Variants in AHNAK observed in about 807,000 individuals in gnomAD.
The protein encoded by AHNAK is AHNAK nucleoprotein, also known as neuroblast differentiation-associated protein AHNAK.
AHNAK carries 23 observed loss-of-function variants against 37.8 expected under a neutral mutation model. The observed-to-expected ratio is 0.61, with a 90% confidence interval of 0.44 to 0.86. The LOEUF is 0.86. Among genes scored for constraint, AHNAK ranks in the 40% least tolerant of loss-of-function variants. AHNAK has a pLI of 0.00. For synonymous variants in AHNAK, 2,481 were observed against 2,636.3 expected (o/e 0.94, Z 1.80); for missense variants, 7,411 against 7,319.4 (o/e 1.01, Z -0.46).
Position 62,527,140 on chromosome 11 carries a change from T to C in AHNAK, c.7277A>G (p.Asp2426Gly), listed in dbSNP as rs765427815. 5.6e-6 allele frequency: 9 copies of C among 1,613,756 alleles called. No individual in the cohort carries two copies. The South Asian group carries it at 7.7e-5, about 14-fold the overall frequency. Residue 2426 changes from aspartate (D) to glycine (G), a missense_variant, in exon 5 of 5, where the codon GAC becomes GGC. Asp to Gly is a moderately conservative substitution (Grantham distance 94, BLOSUM62 -1). Coordinates refer to ENST00000378024, the MANE Select transcript of AHNAK (RefSeq NM_001620.3). Reference sequence around the variant, plus strand: ...GCCCTCTGGTCCCTCAATGTCAATGTCTGGCCCACTGACATCCACATGTGG... The same window carrying C: ...GCCCTCTGGTCCCTCAATGTCAATGCCTGGCCCACTGACATCCACATGTGG... ...KGPHVDVSGP[D>G]IDIEGPEGKL...
At position 62,519,480 on chromosome 11, in the gene AHNAK, C is replaced by T; in HGVS notation, c.14937G>A (p.Lys4979=). Residue 4979 remains lysine (K), a synonymous_variant, in exon 5 of 5, where the codon AAG becomes AAA. Transcript: ENST00000378024. ...DVKIPKFKKP[K]FGFGAKSPKA... Reference sequence around the variant, plus strand: ...TGGGGCTTTTTGCCCCAAATCCAAACTTGGGTTTCTTAAATTTGGGGATTT... The same window carrying T: ...TGGGGCTTTTTGCCCCAAATCCAAATTTGGGTTTCTTAAATTTGGGGATTT... 6.2e-7 allele frequency: 1 copy of T among 1,613,214 alleles called. No individual in the cohort carries two copies. Among genetic ancestry groups the T allele is most frequent in the Non-Finnish European group, 8.5e-7 (1 of 1,179,766 alleles).
At chr11:62,454,424 A>AAAG (rs1555019744) in intron 5 of AHNAK, among the ~76,000 whole-genome samples, 12 of 132,968 alleles carry the variant, frequency 9.0e-5, no homozygotes, top group African/African-American at 2.3e-4. Context: ...AAAAAAAAAA[A>AAAG]AAAAGAAAAG....
In AHNAK at chr11:62,519,394, T is replaced by G. The variant is rs942496212; in HGVS notation, c.15023A>C (p.Glu5008Ala). The G allele has an allele frequency of 1.6e-5, 26 of 1,613,708 alleles. No homozygotes were observed. Among genetic ancestry groups the G allele is most frequent in the Non-Finnish European group, 2.2e-5 (26 of 1,179,886 alleles). Residue 5008 changes from glutamate to alanine, a missense_variant, in exon 5 of 5, where the codon GAG (glutamate) becomes GCG (alanine). By Grantham distance (107) the Glu-to-Ala change is moderately radical. Transcript: ENST00000378024. Reference sequence around the variant, plus strand: ...GCCACCAACACTAATTTCAGGAGTCTCAAGGTTCAGCTCTGCCTCAGGAAC... The same window carrying G: ...GCCACCAACACTAATTTCAGGAGTCGCAAGGTTCAGCTCTGCCTCAGGAAC... ...VTVPEAELNL[E>A]TPEISVGGKG...
rs1186033426 is a variant in AHNAK, at chr11:62,517,001, C to T, written c.17416G>A (p.Val5806Met). 1.9e-6 allele frequency: 3 copies of T among 1,614,242 alleles called. No homozygotes were observed. Among genetic ancestry groups the T allele is most frequent in the Non-Finnish European group, 1.7e-6 (2 of 1,180,046 alleles). ...TGTLEFEGGE[V>M]SLEGGKVKGK... ...TTAACTTTCCCACCTTCCAGAGACA[C>T]TTCCCCACCTTCAAACTCCAGCGTC... Residue 5806 changes from valine to methionine, a missense_variant, in exon 5 of 5, where the codon GTG becomes ATG. Physicochemically the swap from Val to Met is conservative, Grantham distance 21. Transcript: ENST00000378024.
chr11:62,535,209 G>A lies in AHNAK; in HGVS notation c.155-19C>T. The A allele has an allele frequency of 1.3e-6, 2 of 1,599,122 alleles. No homozygotes were observed. The highest frequency in any genetic ancestry group is 1.7e-6 in the Non-Finnish European group (2 of 1,167,742). On this transcript the variant is annotated intron_variant, in intron 3 of 4. Transcript: ENST00000378024. ...TGGTCCCCTGAGCAGGGAAGAGCAG[G>A]AAGCAGGTAAGGCCCAAAGAGCCTC...
Position 62,521,127 on chromosome 11 carries a change from T to C in AHNAK, c.13290A>G (p.Thr4430=), listed in dbSNP as rs762301806. Residue 4430 remains threonine, a synonymous_variant, in exon 5 of 5, where the codon ACA becomes ACG. Transcript: ENST00000378024. The stretch of plus-strand genomic sequence containing the variant: ...CCGGACCTTCAATATTGACATCAGG[T>C]GTGTCAATGTCCAAACTGGGGCCTT... ...DIKGPSLDID[T]PDVNIEGPEG... 2.5e-6 allele frequency: 4 copies of C among 1,613,712 alleles called. No homozygotes were observed. The African/African-American group carries it at 5.3e-5, about 22-fold the overall frequency.
chr11:62,452,726 TA>T (rs1940086563), intron 5 of AHNAK, among the ~76,000 whole-genome samples: 1 of 152,068 alleles, frequency 6.6e-6, no homozygotes, highest in African/African-American at 2.4e-5. Flanking sequence ...GGTGAGATGG[TA>T]AAAGGTGTTT....
Position 62,501,174 on chromosome 11 carries a change from C to A in AHNAK, c.343-9343G>T, listed in dbSNP as rs559434963. ...GGCAGATGGCACCACTGCTTTCCAG[C>A]CTGGGGGTCAGAGTGAGACCCCATC... On this transcript the variant is annotated intron_variant, in intron 4 of 5. Coordinates refer to the AHNAK transcript ENST00000257247. Among the ~76,000 whole-genome samples the A allele has an allele frequency of 3.3e-5, 5 of 152,118 alleles. No homozygotes were observed. The East Asian group carries it at 9.7e-4, about 29-fold the overall frequency.
chr11:62,513,526 ACT>A (rs902819412), downstream of AHNAK, among the ~76,000 whole-genome samples: 1 of 150,454 alleles, frequency 6.6e-6, no homozygotes, highest in Non-Finnish European at 1.5e-5. Context: ...CAAGAGCGAG[ACT>A]CTGTCTCAAA....
At position 62,528,044 on chromosome 11, in the gene AHNAK, G is replaced by A. The variant is rs754692608; in HGVS notation, c.6373C>T (p.His2125Tyr). The A allele has an allele frequency of 5.0e-6, 8 of 1,601,448 alleles. No individual in the cohort carries two copies. Among genetic ancestry groups the A allele is most frequent in the Non-Finnish European group, 6.0e-6 (7 of 1,175,392 alleles). ...PKISMPDVDL[H>Y]LKGPKVKGDV... is the part of the protein sequence containing the mutation. ...CCTTTGACTTTGGGGCCTTTCAAGT[G>A]TAAGTCCACATCAGGCATGGAGATC... Residue 2125 changes from histidine to tyrosine, a missense_variant, in exon 5 of 5, where the codon CAC becomes TAC. Transcript: ENST00000378024.
intron 1 of AHNAK, among the ~76,000 whole-genome samples, chr11:62,546,318 A>T (rs985805775): frequency 6.6e-6 from 1 of 152,190 alleles, no homozygotes. Flanking sequence ...CGCCCCATGC[A>T]GGGAGAGGAG....
At chr11:62,454,313 C>G (rs1264415021) in intron 5 of AHNAK, among the ~76,000 whole-genome samples, 2 of 135,326 alleles carry the variant, frequency 1.5e-5, no homozygotes, top group East Asian at 2.3e-4. Flanking sequence ...CCCGGGAGGC[C>G]GAGGCAGGAG....
rs1248357433 is a variant in AHNAK at position 62,526,774 on chromosome 11, A to G, written c.7643T>C (p.Ile2548Thr). Reference sequence around the variant, plus strand: ...TTCAATATTAACATCAGGGCCTTCAATGTCCACCTTGGGTCCTGAGATGTC... The same window carrying G: ...TTCAATATTAACATCAGGGCCTTCAGTGTCCACCTTGGGTCCTGAGATGTC... ...DVDISGPKVD[I>T]EGPDVNIEGP... The change falls in exon 5 of 5, where the codon ATT becomes ACT. Residue 2548 changes from isoleucine (I) to threonine (T), a missense_variant. Transcript: ENST00000378024. 1 of 1,613,856 alleles carries G rather than the reference A, an allele frequency of 6.2e-7. No individual in the cohort carries two copies. The highest frequency in any genetic ancestry group is 8.5e-7 in the Non-Finnish European group (1 of 1,179,994).
Position 62,520,316 on chromosome 11 carries a change from C to A in AHNAK, c.14101G>T (p.Asp4701Tyr). 1 of 1,613,604 alleles carries A rather than the reference C, an allele frequency of 6.2e-7. No homozygotes were observed. The highest frequency in any genetic ancestry group is 8.5e-7 in the Non-Finnish European group (1 of 1,179,944). ...DVPDVNIEGP[D>Y]AKLKGPKFKM... ...AACTTGGGGCCCTTTAGTTTCGCAT[C>A]TGGACCTTCGATATTCACATCAGGA... Residue 4701 changes from aspartate (D) to tyrosine (Y), a missense_variant, in exon 5 of 5, where the codon GAT becomes TAT. Physicochemically the swap from Asp to Tyr is radical, Grantham distance 160. Transcript: ENST00000378024.
chr11:62,493,734 G>C (rs558889867), intron 4 of AHNAK, among the ~76,000 whole-genome samples: 1 of 151,974 alleles, frequency 6.6e-6, no homozygotes, highest in Non-Finnish European at 1.5e-5. Flanking sequence ...ACCTCCCAAA[G>C]TGTTAGGATT....
intron 5 of AHNAK, among the ~76,000 whole-genome samples, chr11:62,466,404 C>T (rs1208909772): frequency 2.0e-5 from 3 of 152,022 alleles, no homozygotes; most frequent in Non-Finnish European, 4.4e-5. Context: ...AGCTACACAC[C>T]TGGCCTCTCT....
chr11:62,503,317 G>C (rs185103449), intron 4 of AHNAK, among the ~76,000 whole-genome samples: 1 of 152,230 alleles, frequency 6.6e-6, no homozygotes, highest in African/African-American at 2.4e-5. Context: ...GGCTGGGCAC[G>C]GTGGCTCACG....
At chr11:62,545,017 G>A (rs1941261588) in intron 1 of AHNAK, among the ~76,000 whole-genome samples, 1 of 152,168 alleles carries the variant, frequency 6.6e-6, no homozygotes, top group South Asian at 2.1e-4. Context: ...TATTTACTGA[G>A]CGCCCAGCGC....
Position 62,532,201 on chromosome 11 carries a change from T to A in AHNAK, c.2216A>T (p.Asp739Val). 3 of 1,614,132 alleles carry A rather than the reference T, an allele frequency of 1.9e-6. No homozygotes were observed. Among genetic ancestry groups the A allele is most frequent in the Non-Finnish European group, 1.7e-6 (2 of 1,180,016 alleles). ...PKVDIDAPDV[D>V]VHGPDWHLKM... is the part of the protein sequence containing the mutation. ...CAAGTGCCAGTCTGGGCCATGAACA[T>A]CCACATCTGGGGCATCAATGTCCAC... The change falls in exon 5 of 5, where the codon GAT (aspartate) becomes GTT (valine). Residue 739 changes from aspartate (D) to valine (V), a missense_variant. By Grantham distance (152) the Asp-to-Val change is radical. Transcript: ENST00000378024.
Sources: gnomAD v4.1 joint callset for allele counts (sites outside exome capture counted in the v4.1 genomes callset) on GRCh38, gnomAD v4.1.1 for gene constraint, MANE v1.5 for transcripts, NCBI Gene and HGNC (gene_info 2026-07-23, HGNC 2026-07-21) for gene names.